NCOR1: variants seen among roughly 807,000 people sequenced by gnomAD.
NCOR1 encodes protein phosphatase 1, regulatory subunit 109.
NCOR1 carries 63 observed loss-of-function variants against 288.1 expected under a neutral mutation model. The ratio of observed to expected loss-of-function variants is 0.22; its 90% confidence interval spans 0.18 to 0.27. NCOR1 has a LOEUF of 0.27. Among genes scored for constraint, NCOR1 ranks in the 10% least tolerant of loss-of-function variants. NCOR1 has a pLI of 1.00. For synonymous variants in NCOR1, 1,007 were observed against 1,065.9 expected (o/e 0.94, Z 1.08); for missense variants, 2,397 against 3,019.2 (o/e 0.79, Z 4.83).
intron 38 of NCOR1, 139 bp from the exon 39 acceptor site, chr17:16,058,203 A>AC: frequency 7.6e-6 from 8 of 1,049,728 alleles, no homozygotes; most frequent in Non-Finnish European, 9.3e-6. Flanking sequence ...TTAATTTTGG[A>AC]GAAAAAAAAA....
intron 17 of NCOR1, among the ~76,000 whole-genome samples, chr17:16,118,674 G>T (rs2072296359): frequency 6.6e-6 from 1 of 152,126 alleles, no homozygotes; most frequent in Admixed American, 6.5e-5. Context: ...AAAAAAATAT[G>T]AAATGTGTCA....
At chr17:16,161,802 T>C (rs2080903088) in intron 5 of NCOR1, among the ~76,000 whole-genome samples, 1 of 152,216 alleles carries the variant, frequency 6.6e-6, no homozygotes, top group African/African-American at 2.4e-5. Context: ...GTGGCTCTGG[T>C]ACATTTCATA....
chr17:16,078,484 G>GAAT (rs1166801735), intron 26 of NCOR1, among the ~76,000 whole-genome samples: 1 of 152,102 alleles, frequency 6.6e-6, no homozygotes, highest in Non-Finnish European at 1.5e-5. Flanking sequence ...TGAAGAGAAA[G>GAAT]AATAATACAT....
At chr17:16,123,297 GT>G (rs1220563776) in intron 15 of NCOR1, among the ~76,000 whole-genome samples, 1 of 152,082 alleles carries the variant, frequency 6.6e-6, no homozygotes, top group African/African-American at 2.4e-5. Flanking sequence ...CTAATGCCAA[GT>G]TTTGGTTATT....
At chr17:16,168,500 C>T (rs1276321304) in intron 4 of NCOR1, among the ~76,000 whole-genome samples, 3 of 151,946 alleles carry the variant, frequency 2.0e-5, no homozygotes, top group African/African-American at 7.2e-5. Flanking sequence ...CGCGCCCAGC[C>T]AAGAAGTGGG....
At chr17:16,084,220 A>G (rs139770026) in intron 23 of NCOR1, 303 of 153,160 alleles carry the variant, frequency 2.0e-3, no homozygotes, top group Middle Eastern at 0.01. Context: ...AAGCACCGTA[A>G]CTTCTGAGGT....
intron 19 of NCOR1, 73 bp from the exon 20 acceptor site, chr17:16,101,830 A>C: frequency 1.9e-6 from 3 of 1,546,616 alleles, no homozygotes; most frequent in Non-Finnish European, 2.6e-6. Context: ...TACAGCATAA[A>C]AATCTGATAA....
At chr17:16,063,743 A>C (rs901529772) in intron 35 of NCOR1, among the ~76,000 whole-genome samples, 6 of 152,096 alleles carry the variant, frequency 3.9e-5, no homozygotes, top group South Asian at 4.2e-4. Flanking sequence ...AAGCTCAACA[A>C]CACCTTTATA....
intron 5 of NCOR1, among the ~76,000 whole-genome samples, chr17:16,159,469 TAA>T (rs1010013189): frequency 1.0e-4 from 11 of 109,774 alleles, no homozygotes; most frequent in South Asian, 6.1e-4. Flanking sequence ...AGCAAAATAA[TAA>T]GAGAAGTTAA....
chr17:16,050,109 TAG>T (rs1016717106), intron 40 of NCOR1, among the ~76,000 whole-genome samples: 1 of 152,082 alleles, frequency 6.6e-6, no homozygotes, highest in Admixed American at 6.5e-5. Flanking sequence ...TAATTTTTTG[TAG>T]AGACAGGGGT....
chr17:16,191,567 T>C (rs999133044), intron 2 of NCOR1, among the ~76,000 whole-genome samples: 4 of 150,640 alleles, frequency 2.7e-5, no homozygotes, highest in Admixed American at 6.7e-5. Flanking sequence ...TATGATACCA[T>C]AGCAAAATGA....
Position 16,070,446 on chromosome 17 carries a change from C to A in NCOR1, c.4232G>T (p.Ser1411Ile), listed in dbSNP as rs2061615200. The A allele has an allele frequency of 1.9e-6, 3 of 1,614,080 alleles. No homozygotes were observed. The highest frequency in any genetic ancestry group is 2.5e-6 in the Non-Finnish European group (3 of 1,180,042). The stretch of plus-strand genomic sequence containing the variant: ...CGGAGGCATTCCACGGGATAGTTTG[C>A]TAGGCCCCGTGATTAAGGATTTGAC... ...HNVKSLITGP[S>I]KLSRGMPPLE... is the part of the protein sequence containing the mutation. The change falls in exon 31 of 46, where the codon AGC (serine) becomes ATC (isoleucine). Residue 1411 changes from serine to isoleucine, a missense_variant. Ser to Ile is a moderately radical substitution (Grantham distance 142). Transcript: ENST00000268712.
At chr17:16,091,521 G>A in intron 22 of NCOR1, 1 of 1,063,608 alleles carries the variant, frequency 9.4e-7, no homozygotes, top group Non-Finnish European at 1.2e-6. Flanking sequence ...ATACTTGAAG[G>A]TGATTTGCTT....
chr17:16,064,168 T>C lies in NCOR1; in HGVS notation c.5121A>G (p.Ala1707=). The change falls in exon 35 of 46, where the codon GCA becomes GCG. Residue 1707 remains alanine, a synonymous_variant. Transcript: ENST00000268712. ...SMSPGHPTHL[A]AAASAERERE... ...GTTCCCTCTCAGCACTTGCAGCAGC[T>C]GCAAGGTGTGTTGGGTGTCCTGTAA... 6.2e-7 allele frequency: 1 copy of C among 1,614,092 alleles called. No homozygotes were observed. The highest frequency in any genetic ancestry group is 1.1e-5 in the South Asian group (1 of 91,080).
rs749500509 is a variant in NCOR1 at position 16,101,676 on chromosome 17, G to A, written c.2264C>T (p.Pro755Leu). The change falls in exon 20 of 46, where the codon CCC becomes CTC. Residue 755 changes from proline to leucine, a missense_variant. Around this residue, in one of 11 missense-constraint regions of NCOR1, gnomAD observed 1,872 missense variants for 2,187.8 expected, o/e 0.86. Coordinates refer to ENST00000268712, the MANE Select transcript of NCOR1 (RefSeq NM_006311.4). ...GNTEPAVELEPTTETAPSTSP... is the reference protein window; with the variant it reads ...GNTEPAVELELTTETAPSTSP... The stretch of plus-strand genomic sequence containing the variant: ...TGTACTGGGTGCAGTTTCCGTGGTG[G>A]GCTCAAGCTCAACCGCAGGTTCTGT... The A allele has an allele frequency of 6.2e-7, 1 of 1,614,162 alleles. No individual in the cohort carries two copies. The highest frequency in any genetic ancestry group is 8.5e-7 in the Non-Finnish European group (1 of 1,180,044).
chr17:16,068,102 C>T lies in NCOR1; in HGVS notation c.4533G>A (p.Lys1511=). ...TCGATTTCCTTTCATGATTGGTAGA[C>T]TTGTTAGAAGAAATTGTAACTGGAA... ...RTSDVTISSN[K]STNHERKSTL... Residue 1511 remains lysine, a synonymous_variant, in exon 32 of 46, where the codon AAG becomes AAA. Transcript: ENST00000268712. 1.9e-6 allele frequency: 3 copies of T among 1,611,876 alleles called. No homozygotes were observed. Among genetic ancestry groups the T allele is most frequent in the Non-Finnish European group, 2.5e-6 (3 of 1,178,696 alleles).
rs750015893 is a variant in NCOR1 at position 16,121,078 on chromosome 17, G to A, written c.1826C>T (p.Pro609Leu). The A allele has an allele frequency of 3.3e-5, 54 of 1,613,830 alleles. No homozygotes were observed. Among genetic ancestry groups the A allele is most frequent in the Non-Finnish European group, 4.2e-5 (50 of 1,179,918 alleles). ...AAAAATEEPP[P>L]PLPPPPEPIS... ...GGGTTCTGGTGGCGGTGGCAGAGGT[G>A]GTGGGGGCTCTTCAGTAGCCGCTGC... The change falls in exon 16 of 46, where the codon CCA (proline) becomes CTA (leucine). Residue 609 changes from proline to leucine, a missense_variant. This residue lies in a region of NCOR1 where 113 missense variants were observed against 139.5 expected (regional missense o/e 0.81). Transcript: ENST00000268712.
At chr17:16,092,995 T>C (rs894274211) in intron 21 of NCOR1, among the ~76,000 whole-genome samples, 6 of 152,068 alleles carry the variant, frequency 3.9e-5, no homozygotes, top group African/African-American at 7.2e-5. Flanking sequence ...TGAGCCACCG[T>C]GCCTGGCAGA....
chr17:16,177,892 CT>C (rs953893228), intron 3 of NCOR1, among the ~76,000 whole-genome samples: 1 of 152,032 alleles, frequency 6.6e-6, no homozygotes, highest in Non-Finnish European at 1.5e-5. Flanking sequence ...TTCGATACTG[CT>C]TTTTTTTAAT....
Sources: allele counts gnomAD v4.1 joint callset (sites outside exome capture counted in the v4.1 genomes callset), GRCh38; gene constraint gnomAD v4.1.1; regional missense constraint gnomAD v4.1.1; transcripts MANE v1.5; gene names NCBI Gene and HGNC (gene_info 2026-07-23, HGNC 2026-07-21).